Variants in ARHGAP31 observed in about 807,000 individuals in gnomAD.
The protein encoded by ARHGAP31 is rho GTPase-activating protein 31.
In ARHGAP31, 34 loss-of-function variants were observed where a neutral mutation model predicts 113.9. That is an observed-to-expected ratio of 0.30 (90% CI 0.23 to 0.40). The LOEUF (loss-of-function observed/expected upper bound fraction) is 0.40. ARHGAP31 is among the 10% of genes least tolerant of loss of function. ARHGAP31 has a pLI of 1.00. For synonymous variants in ARHGAP31, 650 were observed against 684.8 expected (o/e 0.95, Z 0.79); for missense variants, 1,548 against 1,767.1 (o/e 0.88, Z 2.22).
chr3:119,405,457 A>G (rs2080652188), intron 10 of ARHGAP31, among the ~76,000 whole-genome samples: 1 of 152,182 alleles, frequency 6.6e-6, no homozygotes, highest in Admixed American at 6.5e-5. Flanking sequence ...ATTCCCACCC[A>G]TGGGAAAGGG....
Position 119,390,861 on chromosome 3 carries a change from T to A in ARHGAP31, c.759T>A (p.Ala253=), listed in dbSNP as rs765517808. The A allele has an allele frequency of 3.1e-6, 5 of 1,613,834 alleles. No homozygotes were observed. In the East Asian group the frequency reaches 6.7e-5, roughly 22 times the overall value. The stretch of plus-strand genomic sequence containing the variant: ...TGAAGCTGGTGAGCCTTGAGGAAGC[T>A]CAAGCCCGCAGCCTGGCCACTAACC... ...LPMKLVSLEE[A]QARSLATNHP... Residue 253 remains alanine (A), a synonymous_variant, in exon 7 of 12, where the codon GCT becomes GCA. Transcript: ENST00000264245.
At chr3:119,382,149 A>G in intron 4 of ARHGAP31, 143 bp from the exon 5 acceptor site, 1 of 905,782 alleles carries the variant, frequency 1.1e-6, no homozygotes, top group Non-Finnish European at 1.8e-6. Flanking sequence ...TACTTCTGTC[A>G]ATCTTGACAT....
chr3:119,380,880 G>C (rs1429980777), intron 3 of ARHGAP31, 24 bp from the exon 4 acceptor site: 3 of 1,610,368 alleles, frequency 1.9e-6, no homozygotes, highest in Non-Finnish European at 1.7e-6. Context: ...CACTCACCAG[G>C]CTGCCTTGTG....
At chr3:119,308,645 C>T (rs1482287142) in intron 1 of ARHGAP31, among the ~76,000 whole-genome samples, 1 of 152,158 alleles carries the variant, frequency 6.6e-6, no homozygotes, top group Non-Finnish European at 1.5e-5. Flanking sequence ...AGGTCCTTAA[C>T]CTAATCACAT....
At chr3:119,346,644 C>T (rs1012369911) in intron 1 of ARHGAP31, among the ~76,000 whole-genome samples, 1 of 152,224 alleles carries the variant, frequency 6.6e-6, no homozygotes, top group African/African-American at 2.4e-5. Flanking sequence ...GAGCTGACTG[C>T]TAAGGGTGTG....
At chr3:119,397,761 G>A (rs116498564) in intron 8 of ARHGAP31, among the ~76,000 whole-genome samples, 4,102 of 152,278 alleles carry the variant, frequency 0.027, 188 homozygotes, top group African/African-American at 0.093. Flanking sequence ...ACAAGCTTGA[G>A]TTACAGCTCA....
intron 1 of ARHGAP31, 82 bp from the exon 2 acceptor site, chr3:119,365,234 C>G: frequency 8.4e-7 from 1 of 1,187,542 alleles, no homozygotes; most frequent in Non-Finnish European, 1.2e-6. Flanking sequence ...TTGAAGGTAC[C>G]TGGATTTTTA....
intron 1 of ARHGAP31, among the ~76,000 whole-genome samples, chr3:119,319,205 A>T (rs778504780): frequency 6.6e-6 from 1 of 150,686 alleles, no homozygotes; most frequent in Non-Finnish European, 1.5e-5. Context: ...AGATAAAAGC[A>T]CCTTCTGGAT....
intron 1 of ARHGAP31, among the ~76,000 whole-genome samples, chr3:119,306,828 A>G (rs1206284640): frequency 1.3e-5 from 2 of 152,202 alleles, no homozygotes; most frequent in Admixed American, 1.3e-4. Context: ...GCACACAGAA[A>G]GAAGCAGCTA....
chr3:119,409,798 C>A, intron 11 of ARHGAP31, 22 bp downstream of exon 11: 1 of 1,577,296 alleles, frequency 6.3e-7, no homozygotes, highest in Non-Finnish European at 8.6e-7. Context: ...TCTCCACCTG[C>A]TCCAGCCAGG....
intron 1 of ARHGAP31, among the ~76,000 whole-genome samples, chr3:119,299,582 C>T (rs2079562298): frequency 6.6e-6 from 1 of 152,144 alleles, no homozygotes. Context: ...GACTCTTCTA[C>T]ATTTCTGAGG....
intron 1 of ARHGAP31, among the ~76,000 whole-genome samples, chr3:119,364,922 G>T (rs1007740267): frequency 2.0e-4 from 30 of 152,048 alleles, no homozygotes; most frequent in Admixed American, 7.9e-4. Flanking sequence ...GCGAAACCCA[G>T]TTCTCTAATA....
Position 119,368,605 on chromosome 3 carries a change from C to T in ARHGAP31, c.348+89C>T, listed in dbSNP as rs796066206. The T allele has an allele frequency of 4.0e-6, 6 of 1,486,184 alleles. No individual in the cohort carries two copies. In the African/African-American group the frequency reaches 8.3e-5, roughly 21 times the overall value. 92.1% of individuals were successfully genotyped at this position (1,486,184 alleles called of 1,614,324 possible). A position where few individuals can be genotyped will look rare whatever the true frequency, so the allele number is the denominator to read the frequency against. Reference sequence around the variant, plus strand: ...CAGCACTAAAATAACAATAATAACACTCACCAGATGGTTGACATTATCTTA... The same window carrying T: ...CAGCACTAAAATAACAATAATAACATTCACCAGATGGTTGACATTATCTTA... On this transcript the variant is annotated intron_variant, in intron 3 of 11. Transcript: ENST00000264245.
chr3:119,366,986 C>T (rs550654661), intron 2 of ARHGAP31, among the ~76,000 whole-genome samples: 1 of 152,018 alleles, frequency 6.6e-6, no homozygotes, highest in Admixed American at 6.6e-5. Context: ...CCTGTAATCC[C>T]AACTACTCGG....
chr3:119,348,935 T>C (rs949451701), intron 1 of ARHGAP31, among the ~76,000 whole-genome samples: 3 of 152,180 alleles, frequency 2.0e-5, no homozygotes. Context: ...GTTTGGATAA[T>C]TGCAATATCT....
intron 3 of ARHGAP31, among the ~76,000 whole-genome samples, chr3:119,377,514 G>T (rs575031491): frequency 1.3e-5 from 2 of 152,284 alleles, no homozygotes; most frequent in Non-Finnish European, 2.9e-5. Context: ...GACACGCTGA[G>T]CTTGCTTAGG....
chr3:119,321,293 ATAG>A (rs2079783012), intron 1 of ARHGAP31, among the ~76,000 whole-genome samples: 1 of 147,022 alleles, frequency 6.8e-6, no homozygotes. Context: ...ATATATATAT[ATAG>A]TATATATATA....
chr3:119,407,367 G>GA lies in ARHGAP31; in HGVS notation c.1646-2119dup, dbSNP rs1553767480. Among the ~76,000 whole-genome samples the GA allele has an allele frequency of 1.1e-4, 14 of 130,406 alleles. No homozygotes were observed. In the East Asian group the frequency reaches 1.4e-3, roughly 13 times the overall value. The allele number at this position is 130,406 out of a possible 152,430, so 85.6% of individuals were successfully genotyped here. A position where few individuals can be genotyped will look rare whatever the true frequency, so the allele number is the denominator to read the frequency against. Reference sequence around the variant, plus strand: ...ATCTCGAAAAAAAAAAAGAAAGAAAGAAAAAAAAAATAAAGAAAAAAAGAA... The same window carrying GA: ...ATCTCGAAAAAAAAAAAGAAAGAAAGAAAAAAAAAAATAAAGAAAAAAAGAA... On this transcript the variant is annotated intron_variant, in intron 10 of 11. Transcript: ENST00000264245.
chr3:119,304,761 G>C (rs550247396), intron 1 of ARHGAP31, among the ~76,000 whole-genome samples: 44 of 152,238 alleles, frequency 2.9e-4, no homozygotes, highest in Non-Finnish European at 5.0e-4. Flanking sequence ...TGGGCTTGGT[G>C]GTGGGCGCCT....
Sources: allele counts gnomAD v4.1 joint callset (sites outside exome capture counted in the v4.1 genomes callset), GRCh38; gene constraint gnomAD v4.1.1; transcripts MANE v1.5; gene names NCBI Gene and HGNC (gene_info 2026-07-23, HGNC 2026-07-21).